The following POLR2M variants were observed in gnomAD, a reference collection of about 807,000 sequenced individuals.
The protein encoded by POLR2M is protein GRINL1A.
A neutral mutation model predicts 34.6 loss-of-function variants in POLR2M; 30 were observed. The observed-to-expected ratio is 0.87, with a 90% CI of 0.65 to 1.18. The LOEUF is 1.18. Among genes scored for constraint, POLR2M ranks in the 50% most tolerant of loss-of-function variants. The pLI, the probability that POLR2M is intolerant of heterozygous loss-of-function variation, is 0.00. For missense variants in POLR2M, 432 were observed against 448.7 expected, an observed-to-expected ratio of 0.96 and a Z score of 0.34; for synonymous variants, 150 against 166.7, an observed-to-expected ratio of 0.90 and a Z score of 0.77.
In POLR2M at chr15:57,717,131, A is replaced by G. The variant is rs1221707081; in HGVS notation, c.*2452A>G. 10 of 152,116 alleles carry G rather than the reference A, an allele frequency of 6.6e-5. No homozygotes were observed. Among genetic ancestry groups the G allele is most frequent in the Non-Finnish European group, 1.5e-5 (1 of 67,998 alleles). 9.4% of individuals were successfully genotyped at this position (152,116 alleles called of 1,614,324 possible). A position where few individuals can be genotyped will look rare whatever the true frequency, so the allele number is the denominator to read the frequency against. On this transcript the variant is annotated 3_prime_UTR_variant, in exon 4 of 4. Coordinates refer to ENST00000299638, the MANE Select transcript of POLR2M (RefSeq NM_015532.5). The stretch of plus-strand genomic sequence containing the variant: ...CATTTCCCCTCTGATTAGTAATGCT[A>G]TTTTTATAGAATATTAAATTCTTAT...
At chr15:57,710,388 G>C (rs1277467607) in intron 2 of POLR2M, among the ~76,000 whole-genome samples, 1 of 152,216 alleles carries the variant, frequency 6.6e-6, no homozygotes, top group Non-Finnish European at 1.5e-5. Flanking sequence ...TAACATCAAA[G>C]TTAAATCACT....
At chr15:57,714,229 G>A (rs1275085664) in intron 3 of POLR2M, among the ~76,000 whole-genome samples, 5 of 152,044 alleles carry the variant, frequency 3.3e-5, no homozygotes, top group African/African-American at 7.2e-5. Context: ...CATATTTAAC[G>A]CATCTGTATT....
In POLR2M at chr15:57,706,914, G is replaced by C. The variant is rs138293407; in HGVS notation, c.72G>C (p.Leu24=). 38 of 1,602,722 alleles carry C rather than the reference G, an allele frequency of 2.4e-5. No individual in the cohort carries two copies. The African/African-American group carries it at 4.5e-4, about 19-fold the overall frequency. Residue 24 remains leucine, a synonymous_variant, in exon 1 of 4, where the codon CTG becomes CTC. Transcript: ENST00000299638. The stretch of plus-strand genomic sequence containing the variant: ...TGGCGCAGCGGAGTTTGGTGGAGCT[G>C]CGGGAAATGTTGAAGCGCCAGGAGA... ...EDLAQRSLVE[L]REMLKRQERL...
rs1438981624 is a variant in POLR2M at position 57,715,909 on chromosome 15, A to T, written c.*1230A>T. ...GCTTCCAGGTGTAATTATTGCTTTC[A>T]TTCCTTACCCCCCTCAAGCAAATGT... On this transcript the variant is annotated 3_prime_UTR_variant, in exon 4 of 4. Coordinates refer to ENST00000299638, the MANE Select transcript of POLR2M (RefSeq NM_015532.5). The T allele has an allele frequency of 6.6e-6, 1 of 152,280 alleles. No homozygotes were observed. The highest frequency in any genetic ancestry group is 2.4e-5 in the African/African-American group (1 of 41,476). 9.4% of individuals were successfully genotyped at this position (152,280 alleles called of 1,614,324 possible). A position where few individuals can be genotyped will look rare whatever the true frequency, so the allele number is the denominator to read the frequency against.
chr15:57,717,129 C>T lies in POLR2M; in HGVS notation c.*2450C>T. The T allele has an allele frequency of 6.6e-6, 1 of 152,112 alleles. No individual in the cohort carries two copies. 9.4% of individuals were successfully genotyped at this position (152,112 alleles called of 1,614,324 possible). On this transcript the variant is annotated 3_prime_UTR_variant, in exon 4 of 4. Transcript: ENST00000299638. ...ACCATTTCCCCTCTGATTAGTAATG[C>T]TATTTTTATAGAATATTAAATTCTT...
chr15:57,711,588 C>T (rs1404922385), intron 2 of POLR2M, among the ~76,000 whole-genome samples: 2 of 152,150 alleles, frequency 1.3e-5, no homozygotes, highest in Non-Finnish European at 2.9e-5. Context: ...TCTTAGCCTC[C>T]CTGTCTCCCA....
chr15:57,707,580 C>A, intron 1 of POLR2M: 1 of 457,078 alleles, frequency 2.2e-6, no homozygotes, highest in Non-Finnish European at 4.4e-6. Flanking sequence ...AGAAAGTGAG[C>A]TAGGAAGGGA....
In POLR2M at chr15:57,717,102, C is replaced by A. The variant is rs1241889417; in HGVS notation, c.*2423C>A. The A allele has an allele frequency of 6.6e-6, 1 of 152,114 alleles. No homozygotes were observed. Among genetic ancestry groups the A allele is most frequent in the Non-Finnish European group, 1.5e-5 (1 of 68,008 alleles). The allele number at this position is 152,114 out of a possible 1,614,324, so 9.4% of individuals were successfully genotyped here. ...TTACCAATTGGTTCAGTATGTGAAA[C>A]CACCATTTCCCCTCTGATTAGTAAT... is the stretch of plus-strand genomic sequence containing the variant. On this transcript the variant is annotated 3_prime_UTR_variant, in exon 4 of 4. Coordinates refer to ENST00000299638, the MANE Select transcript of POLR2M (RefSeq NM_015532.5).
In POLR2M at chr15:57,715,641, TATATA is replaced by T. The variant is rs202133162; in HGVS notation, c.*963_*967del. Reference sequence around the variant, plus strand: ...CTTTACTTTTTTCCCCCCAAATAGGTATATATAGACTGCAGAAGCTTCAGTCCCAT... The same window carrying T: ...CTTTACTTTTTTCCCCCCAAATAGGTTAGACTGCAGAAGCTTCAGTCCCAT... On this transcript the variant is annotated 3_prime_UTR_variant, in exon 4 of 4. Transcript: ENST00000299638. 0.04 allele frequency: 6,122 copies of T among 152,238 alleles called. 167 individuals carry two copies. The highest frequency in any genetic ancestry group is 0.088 in the Middle Eastern group (26 of 294). 9.4% of individuals were successfully genotyped at this position (152,238 alleles called of 1,614,324 possible).
chr15:57,710,293 A>G (rs892887778), intron 2 of POLR2M, among the ~76,000 whole-genome samples: 3 of 152,242 alleles, frequency 2.0e-5, no homozygotes, highest in Non-Finnish European at 4.4e-5. Flanking sequence ...AATCTTTTTG[A>G]AAATAATTGC....
chr15:57,709,495 A>G, intron 2 of POLR2M, 137 bp downstream of exon 2: 1 of 997,376 alleles, frequency 1.0e-6, no homozygotes, highest in African/African-American at 1.6e-5. Context: ...GACAGCTTTG[A>G]GTCCAGGAGT....
Position 57,707,134 on chromosome 15 carries a change from C to T in POLR2M, c.113+179C>T. Reference sequence around the variant, plus strand: ...TGCTGCGGCAGAGCCGTGCCTCTTCCTGGCCAGGCACGTATGCCTGCGAGG... The same window carrying T: ...TGCTGCGGCAGAGCCGTGCCTCTTCTTGGCCAGGCACGTATGCCTGCGAGG... On this transcript the variant is annotated intron_variant, in intron 1 of 3. Coordinates refer to ENST00000299638, the MANE Select transcript of POLR2M (RefSeq NM_015532.5). 3.3e-6 allele frequency: 5 copies of T among 1,537,622 alleles called. 1 individual carries two copies. The South Asian group carries it at 4.8e-5, about 15-fold the overall frequency.
Position 57,715,036 on chromosome 15 carries a change from T to C in POLR2M, c.*357T>C, listed in dbSNP as rs1169195903. 1 of 193,114 alleles carries C rather than the reference T, an allele frequency of 5.2e-6. No homozygotes were observed. The highest frequency in any genetic ancestry group is 6.1e-5 in the Admixed American group (1 of 16,514). 12.0% of individuals were successfully genotyped at this position (193,114 alleles called of 1,614,324 possible). Reference sequence around the variant, plus strand: ...TATCAAATAGCATTTATTACATGTCTTTCAGTGAAATACTTAGTTGTTCCA... The same window carrying C: ...TATCAAATAGCATTTATTACATGTCCTTCAGTGAAATACTTAGTTGTTCCA... On this transcript the variant is annotated 3_prime_UTR_variant, in exon 4 of 4. Transcript: ENST00000299638.
At position 57,716,317 on chromosome 15, in the gene POLR2M, A is replaced by G. The variant is rs1326804192; in HGVS notation, c.*1638A>G. 3.3e-5 allele frequency: 5 copies of G among 152,260 alleles called. No individual in the cohort carries two copies. The highest frequency in any genetic ancestry group is 7.3e-5 in the Non-Finnish European group (5 of 68,048). 9.4% of individuals were successfully genotyped at this position (152,260 alleles called of 1,614,324 possible). The stretch of plus-strand genomic sequence containing the variant: ...TTTAAGATTTATTTCCTATTCAGCA[A>G]TTTGATTATGTATTATAATGTAATC... On this transcript the variant is annotated 3_prime_UTR_variant, in exon 4 of 4. Transcript: ENST00000299638.
In POLR2M at chr15:57,709,367, C is replaced by G; in HGVS notation, c.758+9C>G. On this transcript the variant is annotated intron_variant, in intron 2 of 3. Coordinates refer to ENST00000299638, the MANE Select transcript of POLR2M (RefSeq NM_015532.5). ...AAATTTAAAACCAATGTGTAAGTAC[C>G]CTCGGAAACAGGCCTGTAACAGGAA... is the stretch of plus-strand genomic sequence containing the variant. 4 of 1,602,822 alleles carry G rather than the reference C, an allele frequency of 2.5e-6. No homozygotes were observed. Among genetic ancestry groups the G allele is most frequent in the Non-Finnish European group, 2.6e-6 (3 of 1,174,254 alleles).
chr15:57,707,423 T>G (rs2040539058), intron 1 of POLR2M: 1 of 646,250 alleles, frequency 1.5e-6, no homozygotes, highest in Non-Finnish European at 2.9e-6. Flanking sequence ...GTTGAACGGA[T>G]TTTAGCAAGG....
At chr15:57,707,151 C>CCT in intron 1 of POLR2M, 196 bp downstream of exon 1, 1 of 1,525,090 alleles carries the variant, frequency 6.6e-7, no homozygotes, top group Non-Finnish European at 8.8e-7. Flanking sequence ...GGCACGTATG[C>CCT]CTGCGAGGAT....
At chr15:57,708,076 A>C (rs1280786582) in intron 1 of POLR2M, among the ~76,000 whole-genome samples, 2 of 152,364 alleles carry the variant, frequency 1.3e-5, no homozygotes, top group East Asian at 3.9e-4. Context: ...TTGAATGTAT[A>C]GCAGTGAATT....
At chr15:57,712,235 C>A (rs1018635992) in intron 3 of POLR2M, 47 bp downstream of exon 3, 2 of 1,602,464 alleles carry the variant, frequency 1.2e-6, no homozygotes, top group Admixed American at 1.7e-5. Flanking sequence ...GTGCTGCTTA[C>A]ATAAGCTAGA....
Sources: allele counts gnomAD v4.1 joint callset (sites outside exome capture counted in the v4.1 genomes callset), GRCh38; gene constraint gnomAD v4.1.1; transcripts MANE v1.5; gene names NCBI Gene and HGNC (gene_info 2026-07-23, HGNC 2026-07-21).